The following SGCZ variants were observed in gnomAD, a reference collection of about 807,000 sequenced individuals.
The protein encoded by SGCZ is sarcoglycan zeta, also known as zeta-sarcoglycan.
In SGCZ, 40 loss-of-function variants were observed where a neutral mutation model predicts 41.3. The ratio of observed to expected loss-of-function variants is 0.97; its 90% CI spans 0.75 to 1.26. The LOEUF (loss-of-function observed/expected upper bound fraction) is 1.26. SGCZ is among the 50% of genes most tolerant of loss of function. SGCZ has a pLI of 0.00. For missense variants in SGCZ, 552 were observed against 369.8 expected, an observed-to-expected ratio of 1.49 and a Z score of -4.04; for synonymous variants, 206 against 137.5, an observed-to-expected ratio of 1.50 and a Z score of -3.49.
chr8:14,135,831 T>C (rs1803179796), intron 5 of SGCZ, among the ~76,000 whole-genome samples: 1 of 152,226 alleles, frequency 6.6e-6, no homozygotes, highest in Non-Finnish European at 1.5e-5. Context: ...AGTACCCTGA[T>C]ACCAAAATCA....
At chr8:14,156,199 G>C (rs1454571653) in intron 5 of SGCZ, among the ~76,000 whole-genome samples, 2 of 152,164 alleles carry the variant, frequency 1.3e-5, no homozygotes, top group Non-Finnish European at 2.9e-5. Context: ...GCCACTCACA[G>C]TGTCTGATGC....
intron 1 of SGCZ, among the ~76,000 whole-genome samples, chr8:14,638,920 C>T (rs188427219): frequency 4.0e-5 from 6 of 151,694 alleles, no homozygotes; most frequent in African/African-American, 1.2e-4. Context: ...AGAATGAATA[C>T]GTCATATGTA....
chr8:14,173,411 T>G (rs930301237), intron 4 of SGCZ, among the ~76,000 whole-genome samples: 1 of 151,802 alleles, frequency 6.6e-6, no homozygotes, highest in Non-Finnish European at 1.5e-5. Flanking sequence ...ATTTTAAATG[T>G]AAGAAAAAAG....
At chr8:15,201,285 G>A (rs1323655497) in intron 1 of SGCZ, among the ~76,000 whole-genome samples, 1 of 152,150 alleles carries the variant, frequency 6.6e-6, no homozygotes, top group Non-Finnish European at 1.5e-5. Flanking sequence ...CCAAAGTGTT[G>A]GGATTACAGG....
At chr8:14,602,076 C>G (rs372113694) in intron 1 of SGCZ, among the ~76,000 whole-genome samples, 2 of 151,906 alleles carry the variant, frequency 1.3e-5, no homozygotes, top group African/African-American at 4.8e-5. Flanking sequence ...GCCGAGATTG[C>G]GCCACTGCAC....
At chr8:14,102,885 G>A (rs187696758) in intron 6 of SGCZ, among the ~76,000 whole-genome samples, 25 of 152,152 alleles carry the variant, frequency 1.6e-4, no homozygotes, top group Middle Eastern at 3.4e-3. Flanking sequence ...AATGATGGAG[G>A]TTTAATAAAA....
intron 2 of SGCZ, among the ~76,000 whole-genome samples, chr8:14,448,030 G>A (rs1459656838): frequency 6.6e-6 from 1 of 152,024 alleles, no homozygotes; most frequent in East Asian, 1.9e-4. Context: ...AAATCGGGGT[G>A]AAAAAATGAT....
chr8:14,997,401 G>A (rs114939180), intron 1 of SGCZ, among the ~76,000 whole-genome samples: 2 of 152,234 alleles, frequency 1.3e-5, no homozygotes, highest in African/African-American at 4.8e-5. Flanking sequence ...TATTAATGCA[G>A]TAAAGACATC....
At chr8:14,877,571 T>C (rs982881193) in intron 1 of SGCZ, among the ~76,000 whole-genome samples, 10 of 152,140 alleles carry the variant, frequency 6.6e-5, no homozygotes, top group African/African-American at 2.4e-4. Flanking sequence ...AGCATAGATA[T>C]TTCTTCAAAA....
At chr8:15,000,169 T>C (rs1482242639) in intron 1 of SGCZ, among the ~76,000 whole-genome samples, 3 of 151,992 alleles carry the variant, frequency 2.0e-5, no homozygotes, top group African/African-American at 7.3e-5. Flanking sequence ...AGGGCAGCCG[T>C]CTCCAAGTCA....
intron 1 of SGCZ, among the ~76,000 whole-genome samples, chr8:14,765,871 G>T (rs891338626): frequency 6.6e-6 from 1 of 151,434 alleles, no homozygotes; most frequent in African/African-American, 2.4e-5. Context: ...TTTAAATGAA[G>T]CATTCAATCT....
chr8:14,452,489 A>C (rs1378119303), intron 2 of SGCZ, among the ~76,000 whole-genome samples: 1 of 151,846 alleles, frequency 6.6e-6, no homozygotes, highest in Non-Finnish European at 1.5e-5. Flanking sequence ...TCTCAAAAAA[A>C]TAATAATAAT....
intron 1 of SGCZ, among the ~76,000 whole-genome samples, chr8:14,831,096 TC>T (rs1802510645): frequency 6.6e-6 from 1 of 152,170 alleles, no homozygotes; most frequent in Admixed American, 6.5e-5. Flanking sequence ...GGAAGTCATT[TC>T]TTCTGTAGCC....
chr8:14,968,059 A>G (rs1376643259), intron 1 of SGCZ, among the ~76,000 whole-genome samples: 10 of 152,332 alleles, frequency 6.6e-5, no homozygotes, highest in Admixed American at 6.5e-4. Flanking sequence ...CAATCTGGAC[A>G]AAGCTATATA....
chr8:14,369,266 C>T (rs1342067520), intron 2 of SGCZ, among the ~76,000 whole-genome samples: 2 of 151,936 alleles, frequency 1.3e-5, no homozygotes, highest in Non-Finnish European at 2.9e-5. Flanking sequence ...CATTTAATTG[C>T]CATGTCTCTC....
At chr8:14,226,387 A>G (rs1806374150) in intron 4 of SGCZ, among the ~76,000 whole-genome samples, 1 of 152,024 alleles carries the variant, frequency 6.6e-6, no homozygotes, top group Admixed American at 6.6e-5. Flanking sequence ...ATCGCTTTGT[A>G]CCTAAACCCT....
At chr8:14,644,594 T>C (rs1338214325) in intron 1 of SGCZ, among the ~76,000 whole-genome samples, 1 of 151,716 alleles carries the variant, frequency 6.6e-6, no homozygotes, top group African/African-American at 2.4e-5. Flanking sequence ...AATCAATGAG[T>C]TTTGGGTCAA....
At chr8:14,214,699 T>C (rs1805933092) in intron 4 of SGCZ, among the ~76,000 whole-genome samples, 1 of 151,864 alleles carries the variant, frequency 6.6e-6, no homozygotes, top group African/African-American at 2.4e-5. Flanking sequence ...TAACAGTAAT[T>C]TTTTTAAAAA....
intron 1 of SGCZ, among the ~76,000 whole-genome samples, chr8:14,877,347 GA>G (rs1407215926): frequency 2.0e-5 from 3 of 152,036 alleles, no homozygotes; most frequent in African/African-American, 7.2e-5. Context: ...CCATTACGAA[GA>G]AAACAAATAT....
Sources: gnomAD v4.1 joint callset for allele counts (sites outside exome capture counted in the v4.1 genomes callset) on GRCh38, gnomAD v4.1.1 for gene constraint, MANE v1.5 for transcripts, NCBI Gene and HGNC (gene_info 2026-07-23, HGNC 2026-07-21) for gene names.